CAMK2D: variants seen among roughly 807,000 people sequenced by gnomAD.
CAMK2D encodes calcium/calmodulin dependent protein kinase II delta, also known as calcium/calmodulin-dependent protein kinase type II subunit delta.
A neutral mutation model predicts 84.0 loss-of-function variants in CAMK2D; 37 were observed. The observed-to-expected ratio is 0.44, with a 90% confidence interval of 0.34 to 0.58. The LOEUF (loss-of-function observed/expected upper bound fraction) is 0.58. CAMK2D is among the 20% of genes least tolerant of loss of function. CAMK2D has a pLI of 0.02. For synonymous variants in CAMK2D, 202 were observed against 212.5 expected (o/e 0.95, Z 0.43); for missense variants, 448 against 652.5 (o/e 0.69, Z 3.41).
At chr4:113,647,890 A>C (rs148107656) in intron 3 of CAMK2D, among the ~76,000 whole-genome samples, 2 of 152,264 alleles carry the variant, frequency 1.3e-5, no homozygotes, top group African/African-American at 4.8e-5. Context: ...ACATATGAGA[A>C]TAACATTTGA....
Position 113,617,320 on chromosome 4 carries a change from G to T in CAMK2D, c.221-8114C>A, listed in dbSNP as rs572104130. On this transcript the variant is annotated intron_variant, in intron 3 of 20. Coordinates refer to ENST00000511664, the MANE Select transcript of CAMK2D (RefSeq NM_001321571.2). Reference sequence around the variant, plus strand: ...CTGTCTCTATTACAAAAAATTAGCTGGGTGTGGTCACCCATGCCTGTAGTC... The same window carrying T: ...CTGTCTCTATTACAAAAAATTAGCTTGGTGTGGTCACCCATGCCTGTAGTC... 2.0e-5 allele frequency among the ~76,000 whole-genome samples: 3 copies of T among 152,092 alleles called. No homozygotes were observed. The East Asian group carries it at 5.8e-4, about 29-fold the overall frequency.
At chr4:113,662,439 TATAAAC>T (rs2099237838) in intron 2 of CAMK2D, among the ~76,000 whole-genome samples, 1 of 152,178 alleles carries the variant, frequency 6.6e-6, no homozygotes, top group South Asian at 2.1e-4. Context: ...TGGAGGTACC[TATAAAC>T]ATAAATATAA....
intron 3 of CAMK2D, 81 bp downstream of exon 3, chr4:113,661,632 T>G: frequency 1.6e-6 from 1 of 628,670 alleles, no homozygotes; most frequent in Non-Finnish European, 2.7e-6. Flanking sequence ...TATTCTAGAT[T>G]ATAAAATTAG....
intron 8 of CAMK2D, among the ~76,000 whole-genome samples, chr4:113,517,938 T>C (rs977611234): frequency 6.6e-6 from 1 of 152,160 alleles, no homozygotes; most frequent in Non-Finnish European, 1.5e-5. Context: ...GGCAACATTC[T>C]TTGGCCCCCC....
At chr4:113,617,294 CCT>C in intron 3 of CAMK2D, among the ~76,000 whole-genome samples, 2 of 151,862 alleles carry the variant, frequency 1.3e-5, no homozygotes, top group Non-Finnish European at 2.9e-5. Flanking sequence ...ATGGTGAGAC[CCT>C]GTCTCTATTA....
Position 113,664,805 on chromosome 4 carries a change from A to ATTT in CAMK2D, c.161-3036_161-3034dup, listed in dbSNP as rs201297299. Among the ~76,000 whole-genome samples, 780 of 145,480 alleles carry ATTT rather than the reference A, an allele frequency of 5.4e-3. 32 individuals are homozygous for ATTT. The East Asian group carries it at 0.1, about 19-fold the overall frequency. ...TCTTAGAATTTGTCTGCCACAGTAG[A>ATTT]TTTTTTTTTTTTTTTGAGACAGAGT... On this transcript the variant is annotated intron_variant, in intron 2 of 20. Coordinates refer to ENST00000511664, the MANE Select transcript of CAMK2D (RefSeq NM_001321571.2).
chr4:113,492,418 G>T (rs971492139), intron 16 of CAMK2D, among the ~76,000 whole-genome samples: 1 of 152,144 alleles, frequency 6.6e-6, no homozygotes, highest in African/African-American at 2.4e-5. Flanking sequence ...TCATTCAGGA[G>T]CAGGTTGTTC....
intron 16 of CAMK2D, among the ~76,000 whole-genome samples, chr4:113,498,916 C>T (rs1029745276): frequency 1.3e-5 from 2 of 152,154 alleles, no homozygotes; most frequent in South Asian, 2.1e-4. Context: ...CTCATGATTA[C>T]GTTCCTTGGC....
chr4:113,655,012 A>C (rs756666685), intron 3 of CAMK2D, among the ~76,000 whole-genome samples: 4 of 152,106 alleles, frequency 2.6e-5, no homozygotes, highest in Admixed American at 6.6e-5. Context: ...CTTGGTAAGC[A>C]GTACCCCATA....
At chr4:113,659,401 C>A (rs2099217884) in intron 3 of CAMK2D, among the ~76,000 whole-genome samples, 1 of 152,202 alleles carries the variant, frequency 6.6e-6, no homozygotes, top group South Asian at 2.1e-4. Context: ...TGTTGATATG[C>A]TAATCCTGAT....
intron 8 of CAMK2D, among the ~76,000 whole-genome samples, chr4:113,526,511 T>C (rs2098419168): frequency 6.6e-6 from 1 of 152,026 alleles, no homozygotes; most frequent in South Asian, 2.1e-4. Flanking sequence ...CAAAATGTTA[T>C]ATAGTTTAGA....
intron 4 of CAMK2D, among the ~76,000 whole-genome samples, chr4:113,573,219 C>A (rs867808938): frequency 1.3e-5 from 2 of 152,174 alleles, no homozygotes; most frequent in African/African-American, 4.8e-5. Flanking sequence ...AAACTCCAAA[C>A]AACAAAACAT....
chr4:113,517,798 AT>A lies in CAMK2D; in HGVS notation c.602-142del, dbSNP rs1175068717. The A allele has an allele frequency of 7.3e-6, 4 of 545,676 alleles. No homozygotes were observed. The African/African-American group carries it at 7.5e-5, about 10-fold the overall frequency. 33.8% of individuals were successfully genotyped at this position (545,676 alleles called of 1,614,324 possible). A position where few individuals can be genotyped will look rare whatever the true frequency, so the allele number is the denominator to read the frequency against. On this transcript the variant is annotated intron_variant, in intron 8 of 20. Transcript: ENST00000511664. ...TAGGAAAACTTCAGAAAGATGTGTT[AT>A]GATCTAGTCTAGAGCAGTCTCTGGA...
chr4:113,747,087 A>AT (rs35998929), intron 2 of CAMK2D, among the ~76,000 whole-genome samples: 2 of 151,350 alleles, frequency 1.3e-5, no homozygotes, highest in South Asian at 4.2e-4. Context: ...TTACATATTA[A>AT]TTTTTTTTAC....
chr4:113,581,329 C>T (rs2098807571), intron 4 of CAMK2D, among the ~76,000 whole-genome samples: 1 of 151,878 alleles, frequency 6.6e-6, no homozygotes, highest in African/African-American at 2.4e-5. Context: ...GCCTGACCAA[C>T]ATGGAGAAAG....
At chr4:113,628,359 A>T (rs1476541228) in intron 3 of CAMK2D, among the ~76,000 whole-genome samples, 3 of 152,214 alleles carry the variant, frequency 2.0e-5, no homozygotes, top group Admixed American at 6.5e-5. Context: ...AAGGAATAAG[A>T]AATATAGCCT....
chr4:113,566,835 T>TAA (rs1406166271), intron 4 of CAMK2D, among the ~76,000 whole-genome samples: 1 of 152,176 alleles, frequency 6.6e-6, no homozygotes, highest in Non-Finnish European at 1.5e-5. Flanking sequence ...AGCCCCTAGT[T>TAA]ACGCACCAAA....
chr4:113,457,051 A>T, intron 19 of CAMK2D: 1 of 481,512 alleles, frequency 2.1e-6, no homozygotes, highest in Non-Finnish European at 3.2e-6. Flanking sequence ...TTGCCTTATT[A>T]TACAAGTCCT....
chr4:113,761,223 G>C lies in CAMK2D; in HGVS notation c.-155C>G. The C allele has an allele frequency of 6.7e-7, 1 of 1,503,158 alleles. No homozygotes were observed. The highest frequency in any genetic ancestry group is 8.8e-7 in the Non-Finnish European group (1 of 1,130,022). 93.1% of individuals were successfully genotyped at this position (1,503,158 alleles called of 1,614,324 possible). A position where few individuals can be genotyped will look rare whatever the true frequency, so the allele number is the denominator to read the frequency against. ...CTCGCCCGCGAGGGAGTGTGCGCAG[G>C]GGCGGGGCGGGAGGGGAGATGACCA... On this transcript the variant is annotated 5_prime_UTR_variant, in exon 1 of 21. Transcript: ENST00000511664.
Sources: allele counts gnomAD v4.1 joint callset (sites outside exome capture counted in the v4.1 genomes callset), GRCh38; gene constraint gnomAD v4.1.1; transcripts MANE v1.5; gene names NCBI Gene and HGNC (gene_info 2026-07-23, HGNC 2026-07-21).